NAALAD2: variants seen among roughly 807,000 people sequenced by gnomAD.
NAALAD2 encodes N-acetylated-alpha-linked acidic dipeptidase 2.
In NAALAD2, 89 loss-of-function variants were observed where a neutral mutation model predicts 95.6. That is an observed-to-expected ratio of 0.93 (90% CI 0.78 to 1.11). The LOEUF is 1.11. Ranked by LOEUF, NAALAD2 falls within the 50% of genes least tolerant of loss-of-function variation. The pLI, the probability that NAALAD2 is intolerant of heterozygous loss-of-function variation, is 0.00. For synonymous variants in NAALAD2, 264 were observed against 294.4 expected, an observed-to-expected ratio of 0.90 and a Z score of 1.06; for missense variants, 894 against 872.4, an observed-to-expected ratio of 1.02 and a Z score of -0.31.
intron 12 of NAALAD2, chr11:90,169,822 T>C (rs935362502): frequency 6.6e-6 from 3 of 454,108 alleles, no homozygotes; most frequent in Non-Finnish European, 1.2e-5. Context: ...ATGACCCTTA[T>C]AATCACTGTG....
chr11:90,137,740 A>G (rs1210875140), intron 2 of NAALAD2, among the ~76,000 whole-genome samples: 1 of 152,120 alleles, frequency 6.6e-6, no homozygotes, highest in East Asian at 1.9e-4. Flanking sequence ...AGTAGCTGGG[A>G]CTACAGACAT....
chr11:90,158,439 C>T (rs1453913252), intron 7 of NAALAD2: 6 of 477,460 alleles, frequency 1.3e-5, no homozygotes, highest in African/African-American at 6.1e-5. Flanking sequence ...AATAAAATAT[C>T]GCTCTGTTCG....
intron 11 of NAALAD2, among the ~76,000 whole-genome samples, chr11:90,167,594 A>G (rs910601852): frequency 6.6e-6 from 1 of 152,176 alleles, no homozygotes; most frequent in African/African-American, 2.4e-5. Flanking sequence ...GAGTGAAGCC[A>G]GCTGGGCTCC....
At chr11:90,173,982 C>A in intron 14 of NAALAD2, 67 bp downstream of exon 14, 1 of 1,047,902 alleles carries the variant, frequency 9.5e-7, no homozygotes, top group Non-Finnish European at 1.5e-6. Context: ...CCTCTTGTTT[C>A]TCCAAGCATG....
chr11:90,152,929 A>G (rs1345265509), intron 6 of NAALAD2, among the ~76,000 whole-genome samples: 1 of 152,180 alleles, frequency 6.6e-6, no homozygotes. Context: ...AGTTTTACAT[A>G]TGTGAAATGA....
chr11:90,166,532 T>C (rs1362882086), intron 11 of NAALAD2, among the ~76,000 whole-genome samples: 3 of 152,360 alleles, frequency 2.0e-5, no homozygotes, highest in East Asian at 1.9e-4. Flanking sequence ...TTGCCAGTTA[T>C]ATCTATTAGG....
Position 90,149,068 on chromosome 11 carries a change from G to T in NAALAD2, c.444G>T (p.Val148=), listed in dbSNP as rs1365865555. 2.5e-6 allele frequency: 4 copies of T among 1,606,122 alleles called. No homozygotes were observed. Among genetic ancestry groups the T allele is most frequent in the Non-Finnish European group, 3.4e-6 (4 of 1,176,400 alleles). ...GCTATGAGAATGTTACAAATATTGT[G>T]CCACCATATAATGCTTTCTCAGCCC... is the stretch of plus-strand genomic sequence containing the variant. ...PDGYENVTNI[V]PPYNAFSAQG... Residue 148 remains valine, a synonymous_variant, in exon 4 of 19, where the codon GTG becomes GTT. Coordinates refer to ENST00000534061, the MANE Select transcript of NAALAD2 (RefSeq NM_005467.4).
chr11:90,136,152 C>A (rs1469642142), intron 2 of NAALAD2, among the ~76,000 whole-genome samples: 2 of 152,084 alleles, frequency 1.3e-5, no homozygotes, highest in African/African-American at 4.8e-5. Context: ...CAAAAAGAAT[C>A]ATTGCCATTC....
chr11:90,142,634 C>T (rs1316379503), intron 2 of NAALAD2, among the ~76,000 whole-genome samples: 1 of 151,926 alleles, frequency 6.6e-6, no homozygotes, highest in Non-Finnish European at 1.5e-5. Context: ...CTCTGTGGGC[C>T]GCATATAATA....
intron 18 of NAALAD2, among the ~76,000 whole-genome samples, chr11:90,185,091 G>A (rs1182835481): frequency 1.3e-5 from 2 of 151,796 alleles, no homozygotes; most frequent in African/African-American, 4.8e-5. Context: ...ATCCAAAGGG[G>A]ATTCTGGAAC....
At chr11:90,182,175 A>T (rs553843744) in intron 17 of NAALAD2, among the ~76,000 whole-genome samples, 2 of 151,914 alleles carry the variant, frequency 1.3e-5, no homozygotes, top group Non-Finnish European at 1.5e-5. Flanking sequence ...TTCATGGATA[A>T]TTTTTTTTGC....
intron 5 of NAALAD2, 39 bp downstream of exon 5, chr11:90,150,646 T>A (rs1470850745): frequency 1.4e-6 from 2 of 1,474,974 alleles, no homozygotes; most frequent in African/African-American, 2.8e-5. Flanking sequence ...AATGAGAGGA[T>A]ATATATATTC....
chr11:90,178,143 T>C (rs1287173551), intron 16 of NAALAD2, 26 bp downstream of exon 16: 1 of 1,590,684 alleles, frequency 6.3e-7, no homozygotes, highest in Non-Finnish European at 8.5e-7. Context: ...GCAGATATTT[T>C]ACAGTCTTTA....
chr11:90,167,780 C>G (rs910750751), intron 11 of NAALAD2, among the ~76,000 whole-genome samples: 1 of 151,998 alleles, frequency 6.6e-6, no homozygotes, highest in South Asian at 2.1e-4. Flanking sequence ...CTAGTGGGGA[C>G]GTGGGGAAAG....
At chr11:90,164,009 T>A (rs1952370305) in intron 11 of NAALAD2, 1 of 328,424 alleles carries the variant, frequency 3.0e-6, no homozygotes, top group Non-Finnish European at 5.5e-6. Context: ...AGTTCTTCCA[T>A]CTGAGAAAAT....
intron 2 of NAALAD2, among the ~76,000 whole-genome samples, chr11:90,135,926 G>A (rs533080936): frequency 1.3e-5 from 2 of 151,742 alleles, no homozygotes; most frequent in Admixed American, 1.3e-4. Flanking sequence ...ATGTAACTTT[G>A]GATCTAACTG....
chr11:90,158,406 C>T lies in NAALAD2; in HGVS notation c.890+168C>T. 5.6e-6 allele frequency: 3 copies of T among 532,184 alleles called. No individual in the cohort carries two copies. The South Asian group carries it at 7.8e-5, about 14-fold the overall frequency. The allele number at this position is 532,184 out of a possible 1,614,324, so 33.0% of individuals were successfully genotyped here. Reference sequence around the variant, plus strand: ...TATCTTTTTATTTCATAAAAGTAGTCATTTTAGTGACTAAGAAATCAAAAT... The same window carrying T: ...TATCTTTTTATTTCATAAAAGTAGTTATTTTAGTGACTAAGAAATCAAAAT... On this transcript the variant is annotated intron_variant, in intron 7 of 18. Coordinates refer to ENST00000534061, the MANE Select transcript of NAALAD2 (RefSeq NM_005467.4).
chr11:90,150,740 G>A, intron 5 of NAALAD2, 133 bp downstream of exon 5: 1 of 674,672 alleles, frequency 1.5e-6, no homozygotes. Context: ...TATTTGCCAT[G>A]GGTACACGGA....
intron 6 of NAALAD2, among the ~76,000 whole-genome samples, chr11:90,154,065 CTCTT>C (rs138682111): frequency 0.13 from 20,387 of 151,416 alleles, 2,050 homozygotes; most frequent in Admixed American, 0.31. Context: ...GTCTCTCTCT[CTCTT>C]TCTTTCTTTC....
Sources: gnomAD v4.1 joint callset for allele counts (sites outside exome capture counted in the v4.1 genomes callset) on GRCh38, gnomAD v4.1.1 for gene constraint, MANE v1.5 for transcripts, NCBI Gene and HGNC (gene_info 2026-07-23, HGNC 2026-07-21) for gene names.